SEL1L2: variants seen among roughly 807,000 people sequenced by gnomAD.
SEL1L2 encodes the protein protein sel-1 homolog 2.
A neutral mutation model predicts 98.8 loss-of-function variants in SEL1L2; 89 were observed. The ratio of observed to expected loss-of-function variants is 0.90; its 90% CI spans 0.76 to 1.07. The LOEUF (loss-of-function observed/expected upper bound fraction) is 1.07, where lower values mean the gene tolerates loss of function less well. SEL1L2 is among the 50% of genes least tolerant of loss of function. SEL1L2 has a pLI of 0.00. For synonymous variants in SEL1L2, 262 were observed against 278.5 expected (o/e 0.94, Z 0.59); for missense variants, 788 against 812.0 (o/e 0.97, Z 0.36).
chr20:13,936,155 G>C (rs1262529465), intron 2 of SEL1L2, among the ~76,000 whole-genome samples: 1 of 152,100 alleles, frequency 6.6e-6, no homozygotes, highest in African/African-American at 2.4e-5. Context: ...CTCTGAAATA[G>C]CCTTTGCCAA....
intron 1 of SEL1L2, among the ~76,000 whole-genome samples, chr20:13,962,795 A>G (rs946419592): frequency 2.0e-5 from 3 of 152,122 alleles, no homozygotes; most frequent in Non-Finnish European, 4.4e-5. Context: ...ACCAGGCACA[A>G]TGGCTCATGC....
At chr20:13,876,710 C>A (rs2046447462) in intron 11 of SEL1L2, among the ~76,000 whole-genome samples, 1 of 152,158 alleles carries the variant, frequency 6.6e-6, no homozygotes. Flanking sequence ...GAGACCTGTC[C>A]CGGTCTCCAG....
At chr20:13,964,298 T>C (rs1357576652) in intron 1 of SEL1L2, among the ~76,000 whole-genome samples, 1 of 152,132 alleles carries the variant, frequency 6.6e-6, no homozygotes, top group African/African-American at 2.4e-5. Context: ...ATTTGGAGTC[T>C]TTGCAATCCT....
intron 5 of SEL1L2, among the ~76,000 whole-genome samples, chr20:13,906,186 A>G (rs1228097802): frequency 6.6e-6 from 1 of 152,178 alleles, no homozygotes; most frequent in Non-Finnish European, 1.5e-5. Context: ...CCTGTAAGAC[A>G]TATTTCTGAA....
intron 2 of SEL1L2, among the ~76,000 whole-genome samples, chr20:13,936,770 CCT>C (rs1184092583): frequency 6.6e-6 from 1 of 152,170 alleles, no homozygotes; most frequent in Non-Finnish European, 1.5e-5. Flanking sequence ...TTGCAATTCC[CCT>C]GTCTTGATAC....
intron 18 of SEL1L2, 112 bp downstream of exon 18, chr20:13,859,150 C>T (rs1183820107): frequency 3.4e-5 from 33 of 975,378 alleles, no homozygotes; most frequent in South Asian, 6.8e-5. Flanking sequence ...ATGTTAAGTC[C>T]TCTCCTTCCT....
Position 13,869,521 on chromosome 20 carries a change from A to C in SEL1L2, c.1237T>G (p.Leu413Val), listed in dbSNP as rs764529151. ...CACTTACAGTAGTACATGAAGCCTAACTGGAACTGTGCGTCGGGCCACCCT... is the reference window on the plus strand; with the variant it reads ...CACTTACAGTAGTACATGAAGCCTACCTGGAACTGTGCGTCGGGCCACCCT... Reference protein sequence around the residue: ...EKGWPDAQFQLGFMYYSGSGI... With the variant: ...EKGWPDAQFQVGFMYYSGSGI... Residue 413 changes from leucine to valine, a missense_variant, in exon 14 of 20, where the codon TTA becomes GTA. Coordinates refer to ENST00000284951, the MANE Select transcript of SEL1L2 (RefSeq NM_025229.2). The C allele has an allele frequency of 6.2e-7, 1 of 1,613,928 alleles. No homozygotes were observed. The highest frequency in any genetic ancestry group is 2.2e-5 in the East Asian group (1 of 44,894).
chr20:13,909,768 C>T (rs933509653), intron 5 of SEL1L2, among the ~76,000 whole-genome samples: 1 of 152,076 alleles, frequency 6.6e-6, no homozygotes, highest in African/African-American at 2.4e-5. Flanking sequence ...GAGCTTGAGA[C>T]CAGCCTGGCC....
chr20:13,864,617 A>G (rs1990699058), intron 17 of SEL1L2, among the ~76,000 whole-genome samples: 1 of 152,188 alleles, frequency 6.6e-6, no homozygotes, highest in African/African-American at 2.4e-5. Context: ...TGGAAACTCG[A>G]GGAAAAGCGA....
chr20:13,918,115 T>C (rs80193590), intron 4 of SEL1L2, among the ~76,000 whole-genome samples: 4,280 of 152,202 alleles, frequency 0.028, 89 homozygotes, highest in Non-Finnish European at 0.041. Flanking sequence ...CTATTATTGG[T>C]TCAAAATACC....
intron 11 of SEL1L2, among the ~76,000 whole-genome samples, chr20:13,876,377 C>A (rs1383477833): frequency 6.7e-6 from 1 of 149,720 alleles, no homozygotes; most frequent in Admixed American, 6.7e-5. Context: ...AAGAAATGGA[C>A]CCTGTTTGTG....
At chr20:13,917,712 C>T (rs1466505030) in intron 4 of SEL1L2, among the ~76,000 whole-genome samples, 1 of 150,904 alleles carries the variant, frequency 6.6e-6, no homozygotes, top group African/African-American at 2.4e-5. Flanking sequence ...GACTGGTGTG[C>T]CTATTCTGTG....
chr20:13,896,524 CAAA>C (rs2047437176), intron 5 of SEL1L2, among the ~76,000 whole-genome samples: 1 of 147,158 alleles, frequency 6.8e-6, no homozygotes. Flanking sequence ...CCCCCACACA[CAAA>C]AAACTAATAA....
chr20:13,918,691 C>G (rs1177675831), intron 4 of SEL1L2, among the ~76,000 whole-genome samples: 3 of 152,216 alleles, frequency 2.0e-5, no homozygotes, highest in African/African-American at 7.2e-5. Context: ...ACAACTTGCT[C>G]TAATTCAAAT....
chr20:13,965,955 T>C, intron 1 of SEL1L2, among the ~76,000 whole-genome samples: 3 of 66,778 alleles, frequency 4.5e-5, no homozygotes, highest in South Asian at 9.1e-4. Context: ...AGATTCTGTC[T>C]CAAAAAAAAA....
At chr20:13,933,164 G>A (rs1334131178) in intron 2 of SEL1L2, among the ~76,000 whole-genome samples, 2 of 151,890 alleles carry the variant, frequency 1.3e-5, no homozygotes, top group African/African-American at 4.8e-5. Context: ...AGCTGAGATT[G>A]CGCCACTGTA....
At chr20:13,868,372 T>C (rs1482545696) in intron 14 of SEL1L2, among the ~76,000 whole-genome samples, 1 of 152,162 alleles carries the variant, frequency 6.6e-6, no homozygotes, top group African/African-American at 2.4e-5. Flanking sequence ...ATTATAATTA[T>C]GCTCAGGTCT....
chr20:13,907,264 A>AT (rs2047974747), intron 5 of SEL1L2, among the ~76,000 whole-genome samples: 1 of 152,164 alleles, frequency 6.6e-6, no homozygotes, highest in Non-Finnish European at 1.5e-5. Context: ...GGGAAAAAAA[A>AT]CCAGAAAAGC....
chr20:13,888,419 A>G (rs1188597520), intron 6 of SEL1L2, 40 bp downstream of exon 6: 1 of 1,318,154 alleles, frequency 7.6e-7, no homozygotes, highest in Non-Finnish European at 1.1e-6. Flanking sequence ...CCTTTTAGAG[A>G]AATCAATTTT....
Sources: allele counts gnomAD v4.1 joint callset (sites outside exome capture counted in the v4.1 genomes callset), GRCh38; gene constraint gnomAD v4.1.1; transcripts MANE v1.5; gene names NCBI Gene and HGNC (gene_info 2026-07-23, HGNC 2026-07-21).